Variants in KTN1 observed in about 807,000 individuals in gnomAD.
The protein encoded by KTN1 is kinectin 1.
Under a neutral mutation model 222.5 loss-of-function variants are expected in KTN1, and 130 were observed. The observed-to-expected ratio is 0.58, with a 90% CI of 0.51 to 0.68. The LOEUF is 0.68. Among genes scored for constraint, KTN1 ranks in the 30% least tolerant of loss-of-function variants. KTN1 has a pLI of 0.00. For synonymous variants in KTN1, 512 were observed against 496.3 expected, an observed-to-expected ratio of 1.03 and a Z score of -0.42; for missense variants, 1,508 against 1,500.4, an observed-to-expected ratio of 1.01 and a Z score of -0.08.
chr14:55,684,118 T>C lies in KTN1; in HGVS notation c.*15T>C, dbSNP rs750723683. ...TTACAGAGTGAAGTAATTGGGAAAC[T>C]GTTCATTTGAGGATAAAAAAGGCAT... On this transcript the variant is annotated 3_prime_UTR_variant, in exon 44 of 44. Coordinates refer to ENST00000395314, the MANE Select transcript of KTN1 (RefSeq NM_001079521.2). The C allele has an allele frequency of 6.3e-6, 10 of 1,598,548 alleles. No individual in the cohort carries two copies. In the African/African-American group the frequency reaches 1.2e-4, roughly 19 times the overall value.
At chr14:55,664,586 C>T (rs2044496814) in intron 33 of KTN1, among the ~76,000 whole-genome samples, 1 of 152,026 alleles carries the variant, frequency 6.6e-6, no homozygotes, top group South Asian at 2.1e-4. Context: ...TGACACATGG[C>T]ATGTTTAGAT....
Position 55,678,325 on chromosome 14 carries a change from G to C in KTN1, c.3856-27G>C, listed in dbSNP as rs754589240. ...ATGTATTTATCAACTGTATTACTTA[G>C]TAGCTACCATATTGTTTTCCTTATA... is the stretch of plus-strand genomic sequence containing the variant. On this transcript the variant is annotated intron_variant, in intron 41 of 43. Coordinates refer to ENST00000395314, the MANE Select transcript of KTN1 (RefSeq NM_001079521.2). 3.1e-6 allele frequency: 4 copies of C among 1,276,496 alleles called. No homozygotes were observed. In the Admixed American group the frequency reaches 6.7e-5, roughly 22 times the overall value. The allele number at this position is 1,276,496 out of a possible 1,614,324, so 79.1% of individuals were successfully genotyped here.
intron 41 of KTN1, 29 bp from the exon 42 acceptor site, chr14:55,678,323 T>A: frequency 8.0e-7 from 1 of 1,242,444 alleles, no homozygotes; most frequent in South Asian, 1.2e-5. Context: ...CTGTATTACT[T>A]AGTAGCTACC....
Position 55,627,993 on chromosome 14 carries a change from GC to G in KTN1, c.1046del (p.Ala349ValfsTer10). 1 of 1,613,606 alleles carries G rather than the reference GC, an allele frequency of 6.2e-7. No homozygotes were observed. Among genetic ancestry groups the G allele is most frequent in the Non-Finnish European group, 8.5e-7 (1 of 1,179,552 alleles). ...KLLAAVKEDAAATKDRCKQLT... is the reference protein window; with the variant it reads ...KLLAAVKEDAXATKDRCKQLT... ...ACTCGCTGCTGTGAAGGAAGATGCT[GC>G]TGCTACAAAGGATCGGTGTAAGCAG... On this transcript the variant is annotated frameshift_variant, in exon 6 of 44. Transcript: ENST00000395314. LOFTEE classifies it high-confidence loss of function.
At chr14:55,644,696 C>T (rs1407558922) in intron 18 of KTN1, among the ~76,000 whole-genome samples, 1 of 149,938 alleles carries the variant, frequency 6.7e-6, no homozygotes, top group African/African-American at 2.5e-5. Flanking sequence ...GAAGTTTCTT[C>T]TTTTTGCCCT....
intron 1 of KTN1, among the ~76,000 whole-genome samples, chr14:55,583,295 A>G (rs2032158966): frequency 6.6e-6 from 1 of 152,190 alleles, no homozygotes; most frequent in African/African-American, 2.4e-5. Context: ...AAAAAATGGT[A>G]CAAGCTTTTA....
intron 1 of KTN1, among the ~76,000 whole-genome samples, chr14:55,590,736 C>G (rs935994487): frequency 6.0e-5 from 9 of 150,630 alleles, no homozygotes; most frequent in Non-Finnish European, 1.3e-4. Context: ...AGTGCAGTGG[C>G]GCGATCTTGG....
rs758556672 is a variant in KTN1 at position 55,612,463 on chromosome 14, C to T, written c.415C>T (p.Pro139Ser). ...VIKESDASKI[P>S]GKKVEPVPVT... ...CAAAGAAAGTGACGCATCAAAGATT[C>T]CTGGCAAAAAAGTAGAACCTGTCCC... Residue 139 changes from proline (P) to serine (S), a missense_variant, in exon 2 of 44, where the codon CCT becomes TCT. Coordinates refer to ENST00000395314, the MANE Select transcript of KTN1 (RefSeq NM_001079521.2). The T allele has an allele frequency of 1.1e-5, 18 of 1,614,028 alleles. No homozygotes were observed. The highest frequency in any genetic ancestry group is 2.2e-5 in the East Asian group (1 of 44,886).
intron 1 of KTN1, among the ~76,000 whole-genome samples, chr14:55,598,321 G>C (rs1450517132): frequency 2.6e-5 from 4 of 151,784 alleles, no homozygotes; most frequent in Non-Finnish European, 5.9e-5. Flanking sequence ...TGTAGTCCCA[G>C]CTACTCTGGA....
intron 20 of KTN1, 136 bp from the exon 21 acceptor site, chr14:55,648,666 A>C (rs750235136): frequency 5.2e-5 from 35 of 673,908 alleles, no homozygotes; most frequent in Admixed American, 1.4e-4. Context: ...AATTATAGAC[A>C]TGGAAAAAAG....
intron 1 of KTN1, among the ~76,000 whole-genome samples, chr14:55,595,914 G>A (rs933366898): frequency 6.6e-6 from 1 of 151,984 alleles, no homozygotes; most frequent in Non-Finnish European, 1.5e-5. Flanking sequence ...CAATACTTTG[G>A]GAGGCCGAGG....
chr14:55,637,467 AATG>A lies in KTN1; in HGVS notation c.1716+111_1716+113del, dbSNP rs573405324. ...AAAGTCTACCTTATCCTAATTCTGA[AATG>A]ATGATGAATAATTATAACTTTGTCT... On this transcript the variant is annotated intron_variant, in intron 11 of 43. Transcript: ENST00000395314. The A allele has an allele frequency of 8.7e-5, 71 of 816,268 alleles. No homozygotes were observed. The African/African-American group carries it at 1.2e-3, about 14-fold the overall frequency. 50.6% of individuals were successfully genotyped at this position (816,268 alleles called of 1,614,324 possible). A position where few individuals can be genotyped will look rare whatever the true frequency, so the allele number is the denominator to read the frequency against.
At chr14:55,674,464 C>G (rs1160853221) in intron 40 of KTN1, 1 of 152,066 alleles carries the variant, frequency 6.6e-6, no homozygotes, top group Middle Eastern at 3.2e-3. Context: ...CAGAGCCCTA[C>G]ACCTCTAATT....
rs200479789 is a variant in KTN1, at chr14:55,664,664, C to T, written c.3177+623C>T. Among the ~76,000 whole-genome samples, 34 of 152,160 alleles carry T rather than the reference C, an allele frequency of 2.2e-4. No homozygotes were observed. The East Asian group carries it at 5.0e-3, about 22-fold the overall frequency. ...TAAAGTACTCCTGAAATATATAGCC[C>T]CCTCTGTCTTCAGAACAATGGAGGA... On this transcript the variant is annotated intron_variant, in intron 33 of 43. Transcript: ENST00000395314.
chr14:55,650,995 A>G (rs985657430), intron 24 of KTN1, among the ~76,000 whole-genome samples: 19 of 152,108 alleles, frequency 1.2e-4, no homozygotes, highest in South Asian at 4.1e-4. Flanking sequence ...ACATTGCTCT[A>G]TCTCTGCCTT....
chr14:55,634,453 CAA>C lies in KTN1; in HGVS notation c.1329-71_1329-70del, dbSNP rs903122455. ...TACTAGCTCAGCTCAGCAAAACTAA[CAA>C]AGTATGTTTTGTTTATTTCTTATAT... On this transcript the variant is annotated intron_variant, in intron 8 of 43. Transcript: ENST00000395314. 15 of 1,377,656 alleles carry C rather than the reference CAA, an allele frequency of 1.1e-5. No individual in the cohort carries two copies. The African/African-American group carries it at 2.0e-4, about 18-fold the overall frequency. The allele number at this position is 1,377,656 out of a possible 1,614,324, so 85.3% of individuals were successfully genotyped here.
intron 34 of KTN1, among the ~76,000 whole-genome samples, chr14:55,669,633 G>A (rs1209809131): frequency 6.6e-6 from 1 of 151,888 alleles, no homozygotes; most frequent in Non-Finnish European, 1.5e-5. Flanking sequence ...CAAACTTTAA[G>A]CAACAAAACT....
intron 29 of KTN1, among the ~76,000 whole-genome samples, chr14:55,656,524 G>A (rs1325101390): frequency 2.6e-5 from 4 of 152,074 alleles, no homozygotes; most frequent in Admixed American, 6.6e-5. Context: ...GAGTACAGTG[G>A]CGTGATCTCG....
chr14:55,652,896 GAAGAGA>G lies in KTN1; in HGVS notation c.2661_2666del (p.Glu887_Lys888del), dbSNP rs1258540151. On this transcript the variant is annotated inframe_deletion, in exon 26 of 44. Coordinates refer to ENST00000395314, the MANE Select transcript of KTN1 (RefSeq NM_001079521.2). ...GATGAATACCATGAAGGCTGTTTTG[GAAGAGA>G]AAGAGAAAGACCTAGCCAATACAGG... is the stretch of plus-strand genomic sequence containing the variant. The G allele has an allele frequency of 6.2e-7, 1 of 1,611,456 alleles. No homozygotes were observed. Among genetic ancestry groups the G allele is most frequent in the Non-Finnish European group, 8.5e-7 (1 of 1,178,428 alleles).
Sources: gnomAD v4.1 joint callset for allele counts (sites outside exome capture counted in the v4.1 genomes callset) on GRCh38, gnomAD v4.1.1 for gene constraint, MANE v1.5 for transcripts, NCBI Gene and HGNC (gene_info 2026-07-23, HGNC 2026-07-21) for gene names.